STK31: variants seen among roughly 807,000 people sequenced by gnomAD.
STK31 encodes the protein serine/threonine kinase 31.
STK31 carries 89 observed loss-of-function variants against 129.7 expected under a neutral mutation model. That is an observed-to-expected ratio of 0.69 (90% CI 0.58 to 0.82). The LOEUF is 0.82. STK31 is among the 40% of genes least tolerant of loss of function. The probability of loss-of-function intolerance (pLI) is 0.00; values close to 1 mark genes in which losing one functional copy is unlikely to be tolerated. For synonymous variants in STK31, 448 were observed against 395.3 expected (o/e 1.13, Z -1.58); for missense variants, 1,187 against 1,176.4 (o/e 1.01, Z -0.13).
intron 22 of STK31, among the ~76,000 whole-genome samples, chr7:23,792,226 A>T (rs192716602): frequency 6.6e-6 from 1 of 152,354 alleles, no homozygotes; most frequent in Non-Finnish European, 1.5e-5. Flanking sequence ...ATGCTTAATT[A>T]TGTAGAAAAT....
At chr7:23,773,921 C>T (rs533764466) in intron 15 of STK31, among the ~76,000 whole-genome samples, 6 of 149,832 alleles carry the variant, frequency 4.0e-5, no homozygotes, top group African/African-American at 1.5e-4. Context: ...AATGCTGTCT[C>T]TCTCCCTGCC....
intron 22 of STK31, among the ~76,000 whole-genome samples, chr7:23,808,970 T>TGTGC (rs60631283): frequency 6.6e-4 from 92 of 139,660 alleles, no homozygotes; most frequent in African/African-American, 1.8e-3. Context: ...TGTGTGTGTG[T>TGTGC]GCCTGTGTCT....
At chr7:23,818,047 C>T (rs1049228600) in intron 23 of STK31, among the ~76,000 whole-genome samples, 1 of 151,956 alleles carries the variant, frequency 6.6e-6, no homozygotes, top group Non-Finnish European at 1.5e-5. Flanking sequence ...AGTTATCACA[C>T]CTTATAAAAT....
rs1330434501 is a variant in STK31 at position 23,729,144 on chromosome 7, T to A, written c.378T>A (p.Asp126Glu). Residue 126 changes from aspartate (D) to glutamate (E), a missense_variant, in exon 6 of 24, where the codon GAT (aspartate) becomes GAA (glutamate). By Grantham distance (45) the Asp-to-Glu change is conservative. Coordinates refer to ENST00000355870, the MANE Select transcript of STK31 (RefSeq NM_031414.5). ...ATACTGAAATTCTAAATCGATCTGA[T>A]ATAGTTGAAATTCCTTTGGAGCTGC... Reference protein sequence around the residue: ...YGNTEILNRSDIVEIPLELQF... With the variant: ...YGNTEILNRSEIVEIPLELQF... The A allele has an allele frequency of 1.2e-6, 2 of 1,612,098 alleles. No homozygotes were observed. The highest frequency in any genetic ancestry group is 4.5e-5 in the East Asian group (2 of 44,734).
At chr7:23,783,751 G>A in intron 17 of STK31, 88 bp downstream of exon 17, 2 of 1,065,608 alleles carry the variant, frequency 1.9e-6, no homozygotes, top group Admixed American at 5.0e-5. Context: ...TAAACTTATA[G>A]TATCTTTTAA....
At chr7:23,718,455 G>A (rs566379107) in intron 4 of STK31, among the ~76,000 whole-genome samples, 25 of 151,990 alleles carry the variant, frequency 1.6e-4, no homozygotes, top group Non-Finnish European at 2.8e-4. Context: ...ATCAACATAT[G>A]GTTCTATCAT....
At chr7:23,751,853 A>G (rs116454405) in intron 8 of STK31, among the ~76,000 whole-genome samples, 1,631 of 150,688 alleles carry the variant, frequency 0.011, 31 homozygotes, top group African/African-American at 0.038. Context: ...TGCCAAAGGG[A>G]GTTGTTGCTT....
intron 22 of STK31, among the ~76,000 whole-genome samples, chr7:23,796,265 A>T (rs1236863079): frequency 2.6e-5 from 4 of 152,202 alleles, no homozygotes; most frequent in Admixed American, 6.5e-5. Context: ...TCATTGAACC[A>T]GCACCCTCAT....
intron 15 of STK31, among the ~76,000 whole-genome samples, chr7:23,777,662 C>CT (rs1034520435): frequency 1.3e-5 from 2 of 151,720 alleles, no homozygotes; most frequent in Admixed American, 6.6e-5. Flanking sequence ...GCAATCCCTG[C>CT]TTTTTTTTGC....
At chr7:23,769,791 G>A (rs1167592052) in intron 13 of STK31, 35 bp downstream of exon 13, 2 of 1,381,566 alleles carry the variant, frequency 1.4e-6, no homozygotes, top group South Asian at 1.2e-5. Flanking sequence ...TGCCTCCTTT[G>A]AAGCAGTGTG....
intron 10 of STK31, among the ~76,000 whole-genome samples, chr7:23,756,665 G>A (rs542554612): frequency 5.3e-5 from 8 of 152,210 alleles, no homozygotes; most frequent in South Asian, 4.1e-4. Context: ...GATATGTTCC[G>A]TCAATACTTA....
At chr7:23,773,339 A>C (rs531995860) in intron 15 of STK31, among the ~76,000 whole-genome samples, 1 of 152,124 alleles carries the variant, frequency 6.6e-6, no homozygotes, top group African/African-American at 2.4e-5. Context: ...GATGGTTTCC[A>C]GTTTCATCCT....
chr7:23,808,203 T>C (rs1792841190), intron 22 of STK31, among the ~76,000 whole-genome samples: 1 of 151,240 alleles, frequency 6.6e-6, no homozygotes, highest in Non-Finnish European at 1.5e-5. Flanking sequence ...TTAGGTATAG[T>C]ATGCAGTTCC....
intron 22 of STK31, chr7:23,791,414 C>A: frequency 2.0e-6 from 1 of 496,124 alleles, no homozygotes; most frequent in Non-Finnish European, 2.6e-6. Context: ...TAAGTGGGAG[C>A]TAAACACTGA....
intron 15 of STK31, among the ~76,000 whole-genome samples, chr7:23,780,969 C>G (rs1383665008): frequency 6.6e-6 from 1 of 152,174 alleles, no homozygotes; most frequent in Non-Finnish European, 1.5e-5. Flanking sequence ...AGCATACATA[C>G]TTTTTAAGGT....
chr7:23,781,459 A>C lies in STK31; in HGVS notation c.2006A>C (p.Glu669Ala). 1 of 1,611,778 alleles carries C rather than the reference A, an allele frequency of 6.2e-7. No homozygotes were observed. Among genetic ancestry groups the C allele is most frequent in the Non-Finnish European group, 8.5e-7 (1 of 1,179,158 alleles). Residue 669 changes from glutamate to alanine, a missense_variant, in exon 16 of 24, where the codon GAA becomes GCA. Glu to Ala is a moderately radical substitution (Grantham distance 107, BLOSUM62 -1). Around this residue, in one of 5 missense-constraint regions of STK31, gnomAD observed 975 missense variants for 934.9 expected, o/e 1.04. Transcript: ENST00000355870. ...GGCTCTCAAATTGAGAAAATAAAAGAAGAAATAACTCAGCTGCGCAATAAT... is the reference window on the plus strand; with the variant it reads ...GGCTCTCAAATTGAGAAAATAAAAGCAGAAATAACTCAGCTGCGCAATAAT... Reference protein sequence around the residue: ...PDGSQIEKIKEEITQLRNNVF... With the variant: ...PDGSQIEKIKAEITQLRNNVF...
intron 22 of STK31, among the ~76,000 whole-genome samples, chr7:23,804,349 GAAGC>G (rs1472572647): frequency 3.3e-5 from 5 of 152,070 alleles, no homozygotes; most frequent in Non-Finnish European, 5.9e-5. Flanking sequence ...CACTCGAGTG[GAAGC>G]TTTTTGGGAG....
intron 14 of STK31, 101 bp from the exon 15 acceptor site, chr7:23,772,046 A>C (rs780419823): frequency 2.4e-4 from 201 of 822,776 alleles, no homozygotes; most frequent in Non-Finnish European, 3.0e-5. Context: ...GTCTGAACTC[A>C]GTAAATACTA....
chr7:23,761,519 C>T (rs1456439032), intron 10 of STK31, among the ~76,000 whole-genome samples: 1 of 150,732 alleles, frequency 6.6e-6, no homozygotes, highest in Non-Finnish European at 1.5e-5. Context: ...CTTCCGGGTT[C>T]GTGCCATTCT....
Sources: gnomAD v4.1 joint callset for allele counts (sites outside exome capture counted in the v4.1 genomes callset) on GRCh38, gnomAD v4.1.1 for gene constraint, gnomAD v4.1.1 regional missense constraint, MANE v1.5 for transcripts, NCBI Gene and HGNC (gene_info 2026-07-23, HGNC 2026-07-21) for gene names.